Variants in CSMD1 observed in about 807,000 individuals in gnomAD.
CSMD1 encodes the protein CUB and sushi domain-containing protein 1.
In CSMD1, 213 loss-of-function variants were observed where a neutral mutation model predicts 417.5. The ratio of observed to expected loss-of-function variants is 0.51; its 90% CI spans 0.46 to 0.57. The LOEUF (loss-of-function observed/expected upper bound fraction) is 0.57, where lower values mean the gene tolerates loss of function less well. Among genes scored for constraint, CSMD1 ranks in the 20% least tolerant of loss-of-function variants. CSMD1 has a pLI of 0.00. For synonymous variants in CSMD1, 2,862 were observed against 1,736.8 expected, an observed-to-expected ratio of 1.65 and a Z score of -16.11; for missense variants, 6,923 against 4,529.7, an observed-to-expected ratio of 1.53 and a Z score of -15.17.
intron 3 of CSMD1, among the ~76,000 whole-genome samples, chr8:4,359,589 C>G (rs1442239944): frequency 2.0e-5 from 3 of 152,168 alleles, no homozygotes; most frequent in Non-Finnish European, 2.9e-5. Flanking sequence ...ACATGGTGTT[C>G]TAAAAGACTG....
chr8:4,798,685 A>G (rs1798114882), intron 1 of CSMD1, among the ~76,000 whole-genome samples: 1 of 152,164 alleles, frequency 6.6e-6, no homozygotes, highest in African/African-American at 2.4e-5. Flanking sequence ...ACACCAAACT[A>G]ATTTTCAGAA....
At chr8:3,912,636 C>A (rs1425564345) in intron 5 of CSMD1, among the ~76,000 whole-genome samples, 1 of 152,108 alleles carries the variant, frequency 6.6e-6, no homozygotes. Context: ...CCAGTGTTTA[C>A]AAGCGTCCTC....
intron 3 of CSMD1, among the ~76,000 whole-genome samples, chr8:4,117,534 T>C (rs1238429343): frequency 6.6e-6 from 1 of 152,222 alleles, no homozygotes; most frequent in African/African-American, 2.4e-5. Flanking sequence ...CAGCCTATTA[T>C]AATACTCACT....
At chr8:4,365,149 CAT>C (rs1279881325) in intron 3 of CSMD1, among the ~76,000 whole-genome samples, 5 of 152,210 alleles carry the variant, frequency 3.3e-5, no homozygotes, top group African/African-American at 4.8e-5. Flanking sequence ...TACAGCATAT[CAT>C]ATTTTTATTT....
chr8:3,622,892 C>T (rs962612259), intron 7 of CSMD1, among the ~76,000 whole-genome samples: 2 of 152,108 alleles, frequency 1.3e-5, no homozygotes, highest in African/African-American at 2.4e-5. Context: ...TCCTTAGTAC[C>T]TCAGAGAAAC....
intron 5 of CSMD1, among the ~76,000 whole-genome samples, chr8:3,893,932 C>T (rs1479745061): frequency 6.6e-6 from 1 of 151,932 alleles, no homozygotes; most frequent in Non-Finnish European, 1.5e-5. Context: ...GTACAGTTAC[C>T]GCACGTGTGC....
chr8:4,708,220 G>C (rs1584975728), intron 1 of CSMD1, among the ~76,000 whole-genome samples: 1 of 152,126 alleles, frequency 6.6e-6, no homozygotes, highest in Non-Finnish European at 1.5e-5. Context: ...AAAGTGCTGA[G>C]ATTACAGGCA....
chr8:3,618,027 G>T (rs997189144), intron 7 of CSMD1, among the ~76,000 whole-genome samples: 1 of 152,088 alleles, frequency 6.6e-6, no homozygotes, highest in Non-Finnish European at 1.5e-5. Context: ...TTTGAGACAG[G>T]ATCTCACTCT....
intron 51 of CSMD1, among the ~76,000 whole-genome samples, chr8:3,028,126 C>T (rs984004865): frequency 1.3e-5 from 2 of 152,156 alleles, no homozygotes; most frequent in Admixed American, 1.3e-4. Context: ...TGTGTAAAAC[C>T]CCACCTGGAA....
chr8:4,014,260 C>T (rs1395128544), intron 4 of CSMD1, among the ~76,000 whole-genome samples: 1 of 152,164 alleles, frequency 6.6e-6, no homozygotes, highest in Non-Finnish European at 1.5e-5. Context: ...AAACACAGTG[C>T]TATATGTACA....
chr8:4,665,743 A>C (rs767673897), intron 1 of CSMD1, among the ~76,000 whole-genome samples: 1 of 152,190 alleles, frequency 6.6e-6, no homozygotes, highest in Non-Finnish European at 1.5e-5. Flanking sequence ...AATATTAAAC[A>C]ATGTGGTTAC....
rs17391662 is a variant in CSMD1, at chr8:3,267,590, T to C, written c.4153+16554A>G. On this transcript the variant is annotated intron_variant, in intron 26 of 69. Transcript: ENST00000635120. ...GGAATGTAACACACTGGTAAGAGAC[T>C]TTGAGGATGGCATCGCTGCTGATAG... Among the ~76,000 whole-genome samples the C allele has an allele frequency of 3.9e-5, 6 of 152,200 alleles. No individual in the cohort carries two copies. The East Asian group carries it at 1.2e-3, about 29-fold the overall frequency.
In CSMD1 at chr8:2,937,930, T is replaced by C. The variant is rs1196334084; in HGVS notation, c.*655A>G. The C allele has an allele frequency of 6.6e-6, 1 of 152,640 alleles. No homozygotes were observed. The highest frequency in any genetic ancestry group is 1.5e-5 in the Non-Finnish European group (1 of 68,054). 9.5% of individuals were successfully genotyped at this position (152,640 alleles called of 1,614,324 possible). A position where few individuals can be genotyped will look rare whatever the true frequency, so the allele number is the denominator to read the frequency against. ...ATCTTAGTCATTCATAACACACTAG[T>C]GCAAAAAATTGTGCATTAAACATTC... On this transcript the variant is annotated 3_prime_UTR_variant, in exon 70 of 70. Coordinates refer to ENST00000635120, the MANE Select transcript of CSMD1 (RefSeq NM_033225.6).
chr8:4,219,584 C>A (rs561868097), intron 3 of CSMD1, among the ~76,000 whole-genome samples: 64 of 152,194 alleles, frequency 4.2e-4, no homozygotes, highest in African/African-American at 1.2e-3. Context: ...TTATTGGTCT[C>A]AATTTCTACG....
chr8:3,246,233 C>A (rs989351228), intron 26 of CSMD1, among the ~76,000 whole-genome samples: 2 of 152,106 alleles, frequency 1.3e-5, no homozygotes, highest in African/African-American at 2.4e-5. Flanking sequence ...ATCCACTGTG[C>A]CTCACCCACA....
At chr8:3,908,178 T>C (rs1368629374) in intron 5 of CSMD1, among the ~76,000 whole-genome samples, 1 of 152,144 alleles carries the variant, frequency 6.6e-6, no homozygotes, top group African/African-American at 2.4e-5. Context: ...TCAATGACCA[T>C]GGGCCAGGCT....
intron 6 of CSMD1, among the ~76,000 whole-genome samples, chr8:3,745,523 C>G (rs761736326): frequency 1.3e-5 from 2 of 152,198 alleles, no homozygotes; most frequent in Non-Finnish European, 2.9e-5. Context: ...CGCCCAGGAT[C>G]TAATCATCAC....
chr8:3,801,344 T>G (rs541546947), intron 5 of CSMD1, among the ~76,000 whole-genome samples: 31 of 152,122 alleles, frequency 2.0e-4, no homozygotes, highest in African/African-American at 7.5e-4. Context: ...AAATGGCCAA[T>G]AAGCCCATGA....
chr8:4,467,404 TTC>T (rs1227065851), intron 2 of CSMD1, among the ~76,000 whole-genome samples: 4 of 152,264 alleles, frequency 2.6e-5, no homozygotes, highest in South Asian at 2.1e-4. Flanking sequence ...TCCTCCATTT[TTC>T]TCTTTTTCCG....
Sources: allele counts gnomAD v4.1 joint callset (sites outside exome capture counted in the v4.1 genomes callset), GRCh38; gene constraint gnomAD v4.1.1; transcripts MANE v1.5; gene names NCBI Gene and HGNC (gene_info 2026-07-23, HGNC 2026-07-21).